FUT9: variants seen among roughly 807,000 people sequenced by gnomAD.
The protein encoded by FUT9 is fucosyltransferase 9.
Under a neutral mutation model 29.7 loss-of-function variants are expected in FUT9, and 15 were observed. The ratio of observed to expected loss-of-function variants is 0.51; its 90% CI spans 0.34 to 0.78. The LOEUF (loss-of-function observed/expected upper bound fraction) is 0.78, where lower values mean the gene tolerates loss of function less well. FUT9 is among the 30% of genes least tolerant of loss of function. FUT9 has a pLI of 0.01. For synonymous variants in FUT9, 169 were observed against 153.7 expected, an observed-to-expected ratio of 1.10 and a Z score of -0.74; for missense variants, 319 against 425.4, an observed-to-expected ratio of 0.75 and a Z score of 2.20.
chr6:96,057,898 T>C (rs956779270), intron 1 of FUT9, among the ~76,000 whole-genome samples: 3 of 152,164 alleles, frequency 2.0e-5, no homozygotes, highest in African/African-American at 7.2e-5. Context: ...CCTTTTTGTC[T>C]CTTAGACTCT....
chr6:96,104,566 T>C (rs1771643338), intron 1 of FUT9, among the ~76,000 whole-genome samples: 1 of 152,228 alleles, frequency 6.6e-6, no homozygotes, highest in South Asian at 2.1e-4. Context: ...AGTCTCGCCC[T>C]GTCGCCCAGG....
At chr6:96,203,012 AAC>A in intron 2 of FUT9, 134 bp from the exon 3 acceptor site, 2 of 655,356 alleles carry the variant, frequency 3.1e-6, no homozygotes, top group Non-Finnish European at 5.0e-6. Flanking sequence ...ATGGTTTGAT[AAC>A]ACTGAAAAGG....
chr6:96,077,222 C>A (rs1771153882), intron 1 of FUT9, among the ~76,000 whole-genome samples: 1 of 151,940 alleles, frequency 6.6e-6, no homozygotes. Context: ...ACAGTTGCTC[C>A]CCCACCAACA....
At chr6:96,021,975 T>C (rs1158143196) in intron 1 of FUT9, among the ~76,000 whole-genome samples, 2 of 152,050 alleles carry the variant, frequency 1.3e-5, no homozygotes. Flanking sequence ...AATTTTTACA[T>C]GAGAGGGAAA....
intron 2 of FUT9, among the ~76,000 whole-genome samples, chr6:96,126,155 A>C (rs1295722287): frequency 6.6e-6 from 1 of 152,172 alleles, no homozygotes; most frequent in African/African-American, 2.4e-5. Context: ...ACATTGCTGT[A>C]AAGGACTACC....
intron 2 of FUT9, among the ~76,000 whole-genome samples, chr6:96,145,073 T>C (rs567361788): frequency 7.2e-5 from 11 of 152,294 alleles, no homozygotes; most frequent in African/African-American, 2.6e-4. Context: ...TGTTTGTTTG[T>C]TTGAGATGGA....
chr6:96,072,659 A>G (rs967724851), intron 1 of FUT9, among the ~76,000 whole-genome samples: 2 of 152,204 alleles, frequency 1.3e-5, no homozygotes, highest in Non-Finnish European at 2.9e-5. Context: ...CCTTATTCAG[A>G]TAGAAAAAGG....
intron 1 of FUT9, among the ~76,000 whole-genome samples, chr6:96,107,766 T>C (rs1771719713): frequency 6.6e-6 from 1 of 152,176 alleles, no homozygotes; most frequent in Non-Finnish European, 1.5e-5. Flanking sequence ...ACAGACTATA[T>C]CATTCAAGGC....
intron 2 of FUT9, among the ~76,000 whole-genome samples, chr6:96,118,775 A>G (rs905206594): frequency 6.6e-6 from 1 of 152,166 alleles, no homozygotes; most frequent in Non-Finnish European, 1.5e-5. Flanking sequence ...CCAGTGAGAC[A>G]AGATATGGAG....
intron 1 of FUT9, among the ~76,000 whole-genome samples, chr6:96,018,829 G>A (rs996815764): frequency 6.6e-5 from 10 of 151,928 alleles, no homozygotes; most frequent in Non-Finnish European, 1.2e-4. Context: ...GGGAGAGATA[G>A]AGAGAAAGGC....
intron 1 of FUT9, among the ~76,000 whole-genome samples, chr6:96,055,237 A>C (rs1241371671): frequency 6.6e-6 from 1 of 152,158 alleles, no homozygotes; most frequent in Non-Finnish European, 1.5e-5. Context: ...TTGCCTTTGC[A>C]TATAGCTTTA....
chr6:96,091,800 A>G (rs1246439540), intron 1 of FUT9, among the ~76,000 whole-genome samples: 1 of 152,074 alleles, frequency 6.6e-6, no homozygotes, highest in Non-Finnish European at 1.5e-5. Context: ...TTTCCATTTA[A>G]AAAGTTGGTA....
In FUT9 at chr6:96,210,470, T is replaced by C. The variant is rs1252682435; in HGVS notation, c.*6235T>C. 6.0e-6 allele frequency: 1 copy of C among 166,778 alleles called. No homozygotes were observed. The highest frequency in any genetic ancestry group is 1.5e-5 in the Non-Finnish European group (1 of 68,018). 10.3% of individuals were successfully genotyped at this position (166,778 alleles called of 1,614,324 possible). A position where few individuals can be genotyped will look rare whatever the true frequency, so the allele number is the denominator to read the frequency against. On this transcript the variant is annotated 3_prime_UTR_variant, in exon 3 of 3. Coordinates refer to ENST00000302103, the MANE Select transcript of FUT9 (RefSeq NM_006581.4). The stretch of plus-strand genomic sequence containing the variant: ...CCCACCTCCAGAGAGCTGATCTATT[T>C]AGTTTGAGGAAGAGCCCAGAAGTCT...
chr6:96,187,437 C>T (rs1307466944), intron 2 of FUT9, among the ~76,000 whole-genome samples: 1 of 152,082 alleles, frequency 6.6e-6, no homozygotes, highest in Non-Finnish European at 1.5e-5. Flanking sequence ...TTGCATCAGA[C>T]AGATTCTCAG....
chr6:96,047,038 C>T (rs375311599), intron 1 of FUT9, among the ~76,000 whole-genome samples: 9 of 152,276 alleles, frequency 5.9e-5, no homozygotes, highest in African/African-American at 1.9e-4. Context: ...AATGGCAAAT[C>T]CAAGCTCTAT....
intron 2 of FUT9, among the ~76,000 whole-genome samples, chr6:96,164,306 C>T (rs7756894): frequency 0.15 from 21,540 of 140,964 alleles, 1,767 homozygotes; most frequent in Non-Finnish European, 0.18. Flanking sequence ...TCGCCCAGGC[C>T]GGAGTGCAGT....
At chr6:96,076,322 A>G (rs11156184) in intron 1 of FUT9, among the ~76,000 whole-genome samples, 17,471 of 152,238 alleles carry the variant, frequency 0.11, 1,289 homozygotes, top group Non-Finnish European at 0.16. Flanking sequence ...AATGTTAAGG[A>G]CTGCAAGTTC....
At chr6:96,129,525 A>C (rs1036194949) in intron 2 of FUT9, among the ~76,000 whole-genome samples, 1 of 152,020 alleles carries the variant, frequency 6.6e-6, no homozygotes, top group African/African-American at 2.4e-5. Context: ...AGAATAAAAT[A>C]AACAGAAGAG....
At chr6:96,034,705 A>T (rs1169777566) in intron 1 of FUT9, among the ~76,000 whole-genome samples, 1 of 151,690 alleles carries the variant, frequency 6.6e-6, no homozygotes, top group Non-Finnish European at 1.5e-5. Flanking sequence ...ACCACCACCT[A>T]CATCCTTATA....
Sources: gnomAD v4.1 joint callset for allele counts (sites outside exome capture counted in the v4.1 genomes callset) on GRCh38, gnomAD v4.1.1 for gene constraint, MANE v1.5 for transcripts, NCBI Gene and HGNC (gene_info 2026-07-23, HGNC 2026-07-21) for gene names.